SLCO1A2: variants seen among roughly 807,000 people sequenced by gnomAD.
SLCO1A2 encodes solute carrier organic anion transporter family member 1A2, also known as OATP-1.
A neutral mutation model predicts 69.0 loss-of-function variants in SLCO1A2; 67 were observed. The observed-to-expected ratio is 0.97, with a 90% confidence interval of 0.80 to 1.19. The LOEUF (loss-of-function observed/expected upper bound fraction) is 1.19, where lower values mean the gene tolerates loss of function less well. SLCO1A2 is among the 50% of genes most tolerant of loss of function. The pLI is 0.00. For missense variants in SLCO1A2, 787 were observed against 793.7 expected, an observed-to-expected ratio of 0.99 and a Z score of 0.10; for synonymous variants, 260 against 265.9, an observed-to-expected ratio of 0.98 and a Z score of 0.22.
intron 2 of SLCO1A2, among the ~76,000 whole-genome samples, chr12:21,357,990 T>TGGTG (rs1450437327): frequency 6.6e-6 from 1 of 152,288 alleles, no homozygotes; most frequent in East Asian, 1.9e-4. Context: ...ACTCAGACTT[T>TGGTG]GGTGGGTGGG....
intron 3 of SLCO1A2, among the ~76,000 whole-genome samples, chr12:21,317,609 C>T (rs2136744729): frequency 6.6e-6 from 1 of 152,298 alleles, no homozygotes; most frequent in Admixed American, 6.5e-5. Context: ...GTGGGCTATA[C>T]ATGGAGTTAG....
At chr12:21,273,973 G>C (rs1219868859) in intron 14 of SLCO1A2, 3 of 152,190 alleles carry the variant, frequency 2.0e-5, no homozygotes, top group Non-Finnish European at 2.9e-5. Context: ...TTCAAAATTA[G>C]ATTTGTATTT....
At chr12:21,369,849 T>A (rs1293974834) in intron 2 of SLCO1A2, among the ~76,000 whole-genome samples, 2 of 152,186 alleles carry the variant, frequency 1.3e-5, no homozygotes, top group African/African-American at 4.8e-5. Context: ...GAAAGGAGAT[T>A]ATGCCCTTGT....
intron 8 of SLCO1A2, among the ~76,000 whole-genome samples, chr12:21,299,801 T>C (rs1401530072): frequency 3.5e-5 from 4 of 114,392 alleles, no homozygotes; most frequent in Non-Finnish European, 4.9e-5. Flanking sequence ...CACACACACG[T>C]ATATATATAC....
At chr12:21,292,851 T>TGAATTGTCAA (rs1947096725) in intron 11 of SLCO1A2, among the ~76,000 whole-genome samples, 1 of 152,056 alleles carries the variant, frequency 6.6e-6, no homozygotes, top group Admixed American at 6.6e-5. Context: ...GTCTCTGCCT[T>TGAATTGTCAA]CCAAAGTGCT....
rs775768985 is a variant in SLCO1A2, at chr12:21,297,490, T to C, written c.989A>G (p.Asn330Ser). 9 of 1,611,780 alleles carry C rather than the reference T, an allele frequency of 5.6e-6. No homozygotes were observed. The highest frequency in any genetic ancestry group is 1.7e-4 in the Middle Eastern group (1 of 6,060). Residue 330 changes from asparagine (N) to serine (S), a missense_variant, in exon 9 of 15, where the codon AAT becomes AGT. Asn to Ser is a conservative substitution (Grantham distance 46). Coordinates refer to ENST00000683939, the MANE Select transcript of SLCO1A2 (RefSeq NM_001386879.1). The stretch of plus-strand genomic sequence containing the variant: ...GAAGGAGATCATGTTAACGAATGCA[T>C]TGAACTGTATCACACTTACAAGTAT... ...LFILVSVIQF[N>S]AFVNMISFMP...
At chr12:21,310,123 T>C (rs945806529) in intron 4 of SLCO1A2, among the ~76,000 whole-genome samples, 21 of 152,318 alleles carry the variant, frequency 1.4e-4, no homozygotes, top group African/African-American at 5.1e-4. Context: ...CAAATGTAAA[T>C]AGTAAAAATG....
rs746460398 is a variant in SLCO1A2, at chr12:21,306,993, A to G, written c.336-5T>C. 14 of 1,583,918 alleles carry G rather than the reference A, an allele frequency of 8.8e-6. No individual in the cohort carries two copies. The highest frequency in any genetic ancestry group is 1.2e-5 in the Non-Finnish European group (14 of 1,152,808). On this transcript the variant is annotated splice_polypyrimidine_tract_variant and splice_region_variant and intron_variant, in intron 4 of 14. Transcript: ENST00000683939. ...ACTGTAGATTCATATTCATATCTGT[A>G]TAAACACAGGGAAAATGAGTTTATT...
chr12:21,345,065 A>G (rs1222011806), intron 2 of SLCO1A2, among the ~76,000 whole-genome samples: 1 of 152,044 alleles, frequency 6.6e-6, no homozygotes, highest in Admixed American at 6.6e-5. Flanking sequence ...AAAAGCCATA[A>G]TAACACAATA....
intron 2 of SLCO1A2, among the ~76,000 whole-genome samples, chr12:21,366,341 T>C (rs903614778): frequency 2.1e-5 from 3 of 144,660 alleles, no homozygotes; most frequent in Non-Finnish European, 3.0e-5. Context: ...TAGGTGAGAA[T>C]TGAACAATGA....
upstream of SLCO1A2, among the ~76,000 whole-genome samples, chr12:21,398,236 C>G (rs1941549731): frequency 6.6e-6 from 1 of 151,188 alleles, no homozygotes; most frequent in African/African-American, 2.4e-5. Context: ...TCAGAGAATA[C>G]TACAAACACC....
At position 21,297,469 on chromosome 12, in the gene SLCO1A2, G is replaced by C. The variant is rs1054538826; in HGVS notation, c.1010C>G (p.Ser337Cys). 2 of 1,612,124 alleles carry C rather than the reference G, an allele frequency of 1.2e-6. No individual in the cohort carries two copies. The highest frequency in any genetic ancestry group is 1.7e-6 in the Non-Finnish European group (2 of 1,178,572). ...CTGTTCTAGGTATTTAGGCATGAAG[G>C]AGATCATGTTAACGAATGCATTGAA... ...IQFNAFVNMI[S>C]FMPKYLEQQY... The change falls in exon 9 of 15, where the codon TCC becomes TGC. Residue 337 changes from serine to cysteine, a missense_variant. Physicochemically the swap from Ser to Cys is moderately radical, Grantham distance 112. Coordinates refer to ENST00000683939, the MANE Select transcript of SLCO1A2 (RefSeq NM_001386879.1).
chr12:21,297,283 A>G (rs1193848816), intron 9 of SLCO1A2, 121 bp downstream of exon 9: 5 of 505,536 alleles, frequency 9.9e-6, no homozygotes, highest in Non-Finnish European at 1.7e-5. Flanking sequence ...ATTAGAAGGA[A>G]GAAATCCACC....
intron 1 of SLCO1A2, chr12:21,378,435 G>GT: frequency 1.3e-6 from 2 of 1,596,226 alleles, no homozygotes; most frequent in Non-Finnish European, 1.7e-6. Flanking sequence ...AGAGGACAAT[G>GT]TAACTCTATA....
chr12:21,318,389 G>A (rs1321787936), intron 3 of SLCO1A2, among the ~76,000 whole-genome samples: 3 of 152,114 alleles, frequency 2.0e-5, no homozygotes, highest in Admixed American at 6.5e-5. Flanking sequence ...AAAGTGCTGG[G>A]AGTACAGGCA....
intron 1 of SLCO1A2, among the ~76,000 whole-genome samples, chr12:21,414,335 C>A (rs1276253293): frequency 6.7e-6 from 1 of 150,190 alleles, no homozygotes; most frequent in Non-Finnish European, 1.5e-5. Flanking sequence ...TTATAAGTTT[C>A]TCTCGAAGTA....
At chr12:21,301,354 A>G in intron 6 of SLCO1A2, 85 bp from the exon 7 acceptor site, 1 of 794,246 alleles carries the variant, frequency 1.3e-6, no homozygotes, top group Non-Finnish European at 1.8e-6. Context: ...CTGAAGATTG[A>G]ATATTTTTGC....
chr12:21,327,359 TC>T (rs1297014831), intron 2 of SLCO1A2, among the ~76,000 whole-genome samples: 1 of 152,072 alleles, frequency 6.6e-6, no homozygotes, highest in Non-Finnish European at 1.5e-5. Context: ...ACACAGAGTC[TC>T]CACTGGGGAA....
chr12:21,302,572 A>G (rs1948846956), intron 6 of SLCO1A2, among the ~76,000 whole-genome samples: 1 of 142,474 alleles, frequency 7.0e-6, no homozygotes, highest in African/African-American at 2.6e-5. Context: ...TTTTTTTGAG[A>G]TGGAGTTTCA....
Sources: allele counts gnomAD v4.1 joint callset (sites outside exome capture counted in the v4.1 genomes callset), GRCh38; gene constraint gnomAD v4.1.1; transcripts MANE v1.5; gene names NCBI Gene and HGNC (gene_info 2026-07-23, HGNC 2026-07-21).